The following DNAH12 variants were observed in gnomAD, a reference collection of about 807,000 sequenced individuals.
The protein encoded by DNAH12 is dynein axonemal heavy chain 12.
Under a neutral mutation model 371.5 loss-of-function variants are expected in DNAH12, and 285 were observed. The ratio of observed to expected loss-of-function variants is 0.77; its 90% CI spans 0.70 to 0.85. The LOEUF (loss-of-function observed/expected upper bound fraction) is 0.85, where lower values mean the gene tolerates loss of function less well. Ranked by LOEUF, DNAH12 falls within the 40% of genes least tolerant of loss-of-function variation. The pLI is 0.00. For missense variants in DNAH12, 3,611 were observed against 3,689.4 expected, an observed-to-expected ratio of 0.98 and a Z score of 0.55; for synonymous variants, 1,200 against 1,213.0, an observed-to-expected ratio of 0.99 and a Z score of 0.22.
chr3:57,438,085 G>A (rs182317683), intron 29 of DNAH12, among the ~76,000 whole-genome samples: 9 of 152,260 alleles, frequency 5.9e-5, no homozygotes, highest in Non-Finnish European at 1.3e-4. Context: ...AAGGCGGGTG[G>A]ATCACCTGAA....
At chr3:57,305,525 G>C (rs1326306756) in intron 69 of DNAH12, among the ~76,000 whole-genome samples, 1 of 152,030 alleles carries the variant, frequency 6.6e-6, no homozygotes, top group Non-Finnish European at 1.5e-5. Flanking sequence ...TGGAGCTAAA[G>C]ACATAGTCAA....
Position 57,542,844 on chromosome 3 carries a change from A to G in DNAH12, c.27T>C (p.Ile9=), listed in dbSNP as rs762287658. 1.9e-6 allele frequency: 3 copies of G among 1,598,190 alleles called. No individual in the cohort carries two copies. In the Admixed American group the frequency reaches 5.4e-5, roughly 29 times the overall value. Reference sequence around the variant, plus strand: ...AGTTCAGAGCTTCCTTTTCTGCTGCAATGGCAGCTTTGTTTGCATCTGACA... The same window carrying G: ...AGTTCAGAGCTTCCTTTTCTGCTGCGATGGCAGCTTTGTTTGCATCTGACA... MSDANKAA[I]AAEKEALNLK... is the part of the protein sequence containing the mutation. Residue 9 remains isoleucine (I), a synonymous_variant, in exon 2 of 74, where the codon ATT becomes ATC. Coordinates refer to ENST00000495027, the MANE Select transcript of DNAH12 (RefSeq NM_001366028.2).
In DNAH12 at chr3:57,310,958, A is replaced by G; in HGVS notation, c.10663-8T>C. On this transcript the variant is annotated splice_polypyrimidine_tract_variant and splice_region_variant and intron_variant, in intron 66 of 73. Transcript: ENST00000495027. ...ATATTCATTGATAAATAACTGAAGC[A>G]AAGGAAAAATGAAACAAGAAAAACC... The G allele has an allele frequency of 6.5e-7, 1 of 1,530,492 alleles. No individual in the cohort carries two copies. Among genetic ancestry groups the G allele is most frequent in the Non-Finnish European group, 8.9e-7 (1 of 1,129,326 alleles). The allele number at this position is 1,530,492 out of a possible 1,614,324, so 94.8% of individuals were successfully genotyped here. A position where few individuals can be genotyped will look rare whatever the true frequency, so the allele number is the denominator to read the frequency against.
intron 10 of DNAH12, among the ~76,000 whole-genome samples, chr3:57,501,868 T>C (rs1457529483): frequency 1.3e-5 from 2 of 152,066 alleles, no homozygotes; most frequent in African/African-American, 4.8e-5. Context: ...CCAGTTCATA[T>C]GCACCCTTTG....
At chr3:57,422,196 A>G (rs115719317) in intron 35 of DNAH12, among the ~76,000 whole-genome samples, 3,603 of 151,746 alleles carry the variant, frequency 0.024, 69 homozygotes, top group Admixed American at 0.035. Context: ...TACAGGCATA[A>G]GCTACCGTGC....
chr3:57,402,672 A>G (rs1485682291), intron 43 of DNAH12, among the ~76,000 whole-genome samples: 5 of 152,236 alleles, frequency 3.3e-5, no homozygotes, highest in Non-Finnish European at 5.9e-5. Context: ...GACACTTATC[A>G]GAGGCCAGAA....
At chr3:57,296,303 C>A in intron 72 of DNAH12, 41 bp downstream of exon 72, 1 of 1,422,094 alleles carries the variant, frequency 7.0e-7, no homozygotes, top group South Asian at 1.4e-5. Flanking sequence ...ATCTATGATT[C>A]AGCTACAAAT....
intron 45 of DNAH12, among the ~76,000 whole-genome samples, chr3:57,388,347 T>A (rs2063537260): frequency 6.6e-6 from 1 of 152,246 alleles, no homozygotes; most frequent in Admixed American, 6.5e-5. Flanking sequence ...TGGCATATCA[T>A]TAATCTTTAT....
intron 32 of DNAH12, among the ~76,000 whole-genome samples, chr3:57,430,464 A>G (rs576916241): frequency 1.4e-4 from 20 of 143,318 alleles, no homozygotes; most frequent in Non-Finnish European, 2.8e-4. Flanking sequence ...GCAAAATTCA[A>G]TCAAAGACTA....
upstream of DNAH12, among the ~76,000 whole-genome samples, chr3:57,546,907 G>A (rs2069583675): frequency 6.6e-6 from 1 of 152,104 alleles, no homozygotes; most frequent in African/African-American, 2.4e-5. Flanking sequence ...CAGCACCTTA[G>A]GAGGCCGAGC....
chr3:57,332,277 A>T (rs1355658746), intron 62 of DNAH12, among the ~76,000 whole-genome samples: 1 of 152,226 alleles, frequency 6.6e-6, no homozygotes, highest in Non-Finnish European at 1.5e-5. Context: ...CAGCCTACTT[A>T]TCTTACCTTT....
rs529665825 is a variant in DNAH12, at chr3:57,331,219, C to T, written c.9978+3246G>A. 1.1e-3 allele frequency among the ~76,000 whole-genome samples: 169 copies of T among 152,226 alleles called. 1 individual carries two copies. The highest frequency in any genetic ancestry group is 3.9e-3 in the African/African-American group (164 of 41,548). Reference sequence around the variant, plus strand: ...GTATATAAGCACAGGCTTCCAAACACGGCAGACAAAGCAAAAACCCTACAT... The same window carrying T: ...GTATATAAGCACAGGCTTCCAAACATGGCAGACAAAGCAAAAACCCTACAT... On this transcript the variant is annotated intron_variant, in intron 62 of 73. Transcript: ENST00000495027.
chr3:57,411,381 AGTTGG>A lies in DNAH12; in HGVS notation c.6020+2360_6020+2364del, dbSNP rs547848000. ...TGTCTCTACTAAAAACACAAAAATT[AGTTGG>A]GCATGGTGGCACATGCCTGTAATCC... On this transcript the variant is annotated intron_variant, in intron 39 of 73. Coordinates refer to ENST00000495027, the MANE Select transcript of DNAH12 (RefSeq NM_001366028.2). Among the ~76,000 whole-genome samples the A allele has an allele frequency of 8.0e-4, 122 of 151,918 alleles. 1 individual carries two copies. The highest frequency in any genetic ancestry group is 4.6e-4 in the Non-Finnish European group (31 of 67,928).
chr3:57,485,849 A>AG (rs769528216), intron 12 of DNAH12, among the ~76,000 whole-genome samples: 1 of 152,118 alleles, frequency 6.6e-6, no homozygotes, highest in Non-Finnish European at 1.5e-5. Context: ...GAGGCAGGTG[A>AG]GGGGTAAAAG....
intron 34 of DNAH12, among the ~76,000 whole-genome samples, chr3:57,427,619 G>C (rs1328781738): frequency 6.6e-6 from 1 of 152,108 alleles, no homozygotes; most frequent in Non-Finnish European, 1.5e-5. Context: ...CAACGTGGGA[G>C]ACAGAGGTTG....
chr3:57,296,810 G>A (rs372635632), intron 71 of DNAH12, 37 bp downstream of exon 71: 17 of 1,541,334 alleles, frequency 1.1e-5, no homozygotes, highest in African/African-American at 5.5e-5. Flanking sequence ...ATGACTTAAT[G>A]TAATGATATA....
At chr3:57,547,751 C>G (rs2069590832), upstream of DNAH12, among the ~76,000 whole-genome samples, 1 of 152,110 alleles carries the variant, frequency 6.6e-6, no homozygotes, top group Admixed American at 6.5e-5. Flanking sequence ...GCAAAAAAGT[C>G]ATTAAAATCA....
chr3:57,406,719 T>C (rs1255602897), intron 40 of DNAH12, among the ~76,000 whole-genome samples: 4 of 152,144 alleles, frequency 2.6e-5, no homozygotes, highest in African/African-American at 9.7e-5. Context: ...AATCAATTTG[T>C]TCTCTCTCTT....
At chr3:57,334,676 G>A in intron 61 of DNAH12, 67 bp from the exon 62 acceptor site, 1 of 1,510,070 alleles carries the variant, frequency 6.6e-7, no homozygotes, top group Non-Finnish European at 8.8e-7. Context: ...TGTTGAACAA[G>A]GAGTAGAAAC....
Sources: allele counts gnomAD v4.1 joint callset (sites outside exome capture counted in the v4.1 genomes callset), GRCh38; gene constraint gnomAD v4.1.1; transcripts MANE v1.5; gene names NCBI Gene and HGNC (gene_info 2026-07-23, HGNC 2026-07-21).